The following EML6 variants were observed in gnomAD, a reference collection of about 807,000 sequenced individuals.
EML6 encodes the protein EMAP like 6.
In EML6, 154 loss-of-function variants were observed where a neutral mutation model predicts 240.1. The ratio of observed to expected loss-of-function variants is 0.64; its 90% CI spans 0.56 to 0.73. The LOEUF (loss-of-function observed/expected upper bound fraction) is 0.73, where lower values mean the gene tolerates loss of function less well. EML6 is among the 30% of genes least tolerant of loss of function. EML6 has a pLI of 0.00. For synonymous variants in EML6, 1,148 were observed against 899.0 expected (o/e 1.28, Z -4.95); for missense variants, 2,964 against 2,474.6 (o/e 1.20, Z -4.20).
At chr2:54,869,660 C>T (rs144241238) in intron 15 of EML6, among the ~76,000 whole-genome samples, 84 of 152,208 alleles carry the variant, frequency 5.5e-4, no homozygotes, top group African/African-American at 1.8e-3. Flanking sequence ...TATACTTCCT[C>T]GCTGTATGCC....
intron 7 of EML6, among the ~76,000 whole-genome samples, chr2:54,840,947 G>A (rs1669413626): frequency 6.6e-6 from 1 of 152,240 alleles, no homozygotes; most frequent in South Asian, 2.1e-4. Context: ...AAAAGTAGAT[G>A]ATGCAAAGCC....
chr2:54,970,935 A>G lies in EML6; in HGVS notation c.*840A>G, dbSNP rs1327769436. 1 of 152,244 alleles carries G rather than the reference A, an allele frequency of 6.6e-6. No homozygotes were observed. Among genetic ancestry groups the G allele is most frequent in the African/African-American group, 2.4e-5 (1 of 41,462 alleles). 9.4% of individuals were successfully genotyped at this position (152,244 alleles called of 1,614,324 possible). A position where few individuals can be genotyped will look rare whatever the true frequency, so the allele number is the denominator to read the frequency against. On this transcript the variant is annotated 3_prime_UTR_variant, in exon 42 of 42. Coordinates refer to ENST00000356458, the MANE Select transcript of EML6 (RefSeq NM_001039753.4). ...GAATTATGGGTTTTCATTGTGTTTC[A>G]TGCCAAACCCACAAAATCCAAAATA...
At chr2:54,842,133 G>A (rs1669492994) in intron 7 of EML6, among the ~76,000 whole-genome samples, 1 of 152,080 alleles carries the variant, frequency 6.6e-6, no homozygotes, top group Non-Finnish European at 1.5e-5. Context: ...CGTATATTCT[G>A]TGGGTTTTGA....
intron 28 of EML6, among the ~76,000 whole-genome samples, chr2:54,934,616 C>G (rs1389179653): frequency 1.3e-5 from 2 of 152,038 alleles, no homozygotes; most frequent in African/African-American, 2.4e-5. Context: ...GTGGCATGAT[C>G]CTGGCTCACT....
chr2:54,749,530 C>T (rs1684061903), intron 2 of EML6, among the ~76,000 whole-genome samples: 1 of 151,768 alleles, frequency 6.6e-6, no homozygotes. Context: ...ATAATGTGTA[C>T]CTTATTGATT....
At position 54,738,912 on chromosome 2, in the gene EML6, A is replaced by G. The variant is rs184143585; in HGVS notation, c.197+13654A>G. Reference sequence around the variant, plus strand: ...TATTGTTAGGTCACGGGGTGCACATATGGTACTTGCTAGATACTGTCAAAT... The same window carrying G: ...TATTGTTAGGTCACGGGGTGCACATGTGGTACTTGCTAGATACTGTCAAAT... On this transcript the variant is annotated intron_variant, in intron 2 of 41. Coordinates refer to ENST00000356458, the MANE Select transcript of EML6 (RefSeq NM_001039753.4). Among the ~76,000 whole-genome samples the G allele has an allele frequency of 2.6e-4, 40 of 152,254 alleles. 1 individual carries two copies. The highest frequency in any genetic ancestry group is 2.5e-3 in the Admixed American group (38 of 15,300).
intron 26 of EML6, among the ~76,000 whole-genome samples, chr2:54,922,123 A>G (rs546713615): frequency 6.6e-6 from 1 of 152,346 alleles, no homozygotes; most frequent in Admixed American, 6.5e-5. Flanking sequence ...CAAAATGAAA[A>G]GGCAGCCTAT....
intron 35 of EML6, among the ~76,000 whole-genome samples, chr2:54,961,089 T>C (rs1676472795): frequency 6.6e-6 from 1 of 151,870 alleles, no homozygotes; most frequent in Non-Finnish European, 1.5e-5. Flanking sequence ...ACTGGGGATT[T>C]TGTTCTTAAA....
intron 26 of EML6, among the ~76,000 whole-genome samples, chr2:54,924,763 G>C (rs570045205): frequency 6.6e-6 from 1 of 152,038 alleles, no homozygotes; most frequent in East Asian, 1.9e-4. Context: ...GGGTTTCGCC[G>C]TGTTGGCCAG....
intron 2 of EML6, 100 bp from the exon 3 acceptor site, chr2:54,813,132 T>A: frequency 1.2e-6 from 1 of 831,784 alleles, no homozygotes; most frequent in Non-Finnish European, 1.9e-6. Context: ...TCTCTTGAGA[T>A]CACCTTGTTA....
Position 54,959,212 on chromosome 2 carries a change from T to C in EML6, c.4804T>C (p.Tyr1602His), listed in dbSNP as rs931402901. The C allele has an allele frequency of 1.2e-5, 19 of 1,551,346 alleles. No individual in the cohort carries two copies. The highest frequency in any genetic ancestry group is 2.7e-5 in the African/African-American group (2 of 73,032). The change falls in exon 34 of 42, where the codon TAC (tyrosine) becomes CAC (histidine). Residue 1602 changes from tyrosine to histidine, a missense_variant. Transcript: ENST00000356458. ...TCACACAGGCCCCGTGTTCACAATG[T>C]ACACAACCCTTCGGGATGGACTCAT... The part of the protein sequence containing the change: ...KAHTGPVFTM[Y>H]TTLRDGLIVT...
At chr2:54,807,854 C>T (rs1165964224) in intron 2 of EML6, among the ~76,000 whole-genome samples, 1 of 152,290 alleles carries the variant, frequency 6.6e-6, no homozygotes, top group South Asian at 2.1e-4. Context: ...TAAGCTGGCT[C>T]CAATCATGCC....
chr2:54,960,388 T>G, intron 35 of EML6, 54 bp downstream of exon 35: 2 of 1,319,252 alleles, frequency 1.5e-6, no homozygotes, highest in Non-Finnish European at 2.1e-6. Context: ...GAAGTGTAGG[T>G]ACCCTCCCAG....
intron 29 of EML6, among the ~76,000 whole-genome samples, chr2:54,949,790 C>T (rs1032716980): frequency 6.6e-6 from 1 of 152,236 alleles, no homozygotes; most frequent in Non-Finnish European, 1.5e-5. Flanking sequence ...GTGCAAATCT[C>T]TGGCCCCCCA....
At chr2:54,759,201 A>G (rs956314582) in intron 2 of EML6, among the ~76,000 whole-genome samples, 2 of 149,626 alleles carry the variant, frequency 1.3e-5, no homozygotes, top group African/African-American at 2.5e-5. Context: ...GGTAGTAGGA[A>G]ATGACAAGTT....
At chr2:54,936,932 C>G (rs899941991) in intron 28 of EML6, among the ~76,000 whole-genome samples, 2 of 150,976 alleles carry the variant, frequency 1.3e-5, no homozygotes, top group African/African-American at 4.9e-5. Context: ...TTGCCAGTCT[C>G]TCCTGCTTAG....
At chr2:54,895,812 T>A (rs1672732614) in intron 21 of EML6, among the ~76,000 whole-genome samples, 1 of 152,234 alleles carries the variant, frequency 6.6e-6, no homozygotes, top group African/African-American at 2.4e-5. Flanking sequence ...CAGAGGCCAT[T>A]TTCAGCTCCC....
At chr2:54,910,848 G>T in intron 24 of EML6, 106 bp from the exon 25 acceptor site, 1 of 594,174 alleles carries the variant, frequency 1.7e-6, no homozygotes. Flanking sequence ...CTCAATTTGT[G>T]AGACTTTGAT....
chr2:54,892,546 G>T lies in EML6; in HGVS notation c.2632G>T (p.Val878Leu). 5 of 1,551,280 alleles carry T rather than the reference G, an allele frequency of 3.2e-6. No homozygotes were observed. Among genetic ancestry groups the T allele is most frequent in the Non-Finnish European group, 4.4e-6 (5 of 1,146,552 alleles). ...CVSYGRMEDL[V>L]FSGAATGDIF... is the part of the protein sequence containing the mutation. Reference sequence around the variant, plus strand: ...TTCTTACGGACGAATGGAAGATCTAGTGTTCTCAGGAGCAGCTACTGGAGA... The same window carrying T: ...TTCTTACGGACGAATGGAAGATCTATTGTTCTCAGGAGCAGCTACTGGAGA... The change falls in exon 19 of 42, where the codon GTG becomes TTG. Residue 878 changes from valine to leucine, a missense_variant. Transcript: ENST00000356458.
Sources: gnomAD v4.1 joint callset for allele counts (sites outside exome capture counted in the v4.1 genomes callset) on GRCh38, gnomAD v4.1.1 for gene constraint, MANE v1.5 for transcripts, NCBI Gene and HGNC (gene_info 2026-07-23, HGNC 2026-07-21) for gene names.